The following RTL4 variants were observed in gnomAD, a reference collection of about 807,000 sequenced individuals.
RTL4 encodes retrotransposon Gag-like protein 4.
Under a neutral mutation model 5.3 loss-of-function variants are expected in RTL4, and 4 were observed. The observed-to-expected ratio is 0.75, with a 90% CI of 0.37 to 1.72. RTL4 has a LOEUF of 1.72. Among genes scored for constraint, RTL4 ranks in the 40% most tolerant of loss-of-function variants. The probability of loss-of-function intolerance (pLI) is 0.04; values close to 1 mark genes in which losing one functional copy is unlikely to be tolerated. For missense variants in RTL4, 260 were observed against 227.1 expected, an observed-to-expected ratio of 1.14 and a Z score of -0.93; for synonymous variants, 98 against 87.3, an observed-to-expected ratio of 1.12 and a Z score of -0.68.
chrX:112,192,007 A>G, the RTL4 span, among the ~76,000 whole-genome samples: 8 of 106,504 alleles, frequency 7.5e-5, no homozygotes, highest in South Asian at 2.8e-3. Flanking sequence ...TTTTGGTGCT[A>G]TTATAAAGGG....
the RTL4 span, among the ~76,000 whole-genome samples, chrX:112,446,569 C>T: frequency 0.2 from 21,978 of 111,748 alleles, 1,777 homozygotes; most frequent in Middle Eastern, 0.26. Context: ...AGGAATAGGC[C>T]GGGCTCAGTG....
the RTL4 span, among the ~76,000 whole-genome samples, chrX:112,169,083 CTTTTCTTTCT>C: frequency 2.4e-5 from 1 of 41,337 alleles, no homozygotes; most frequent in Admixed American, 3.5e-4. Context: ...TTCTTTCTTT[CTTTTCTTTCT>C]TTCTTTCTTT....
the RTL4 span, among the ~76,000 whole-genome samples, chrX:112,393,169 T>TG: frequency 0.04 from 4,009 of 101,252 alleles, 199 homozygotes; most frequent in African/African-American, 0.15. Context: ...TTGTTTTTTT[T>TG]TTTTGTTTGT....
the RTL4 span, among the ~76,000 whole-genome samples, chrX:112,290,348 A>G: frequency 9.0e-6 from 1 of 111,680 alleles, no homozygotes; most frequent in Non-Finnish European, 1.9e-5. Flanking sequence ...AGGCTTTATA[A>G]AGGAGAGAGA....
At chrX:112,120,845 C>T in the RTL4 span, among the ~76,000 whole-genome samples, 2 of 111,776 alleles carry the variant, frequency 1.8e-5, no homozygotes, top group Non-Finnish European at 3.8e-5. Context: ...TTCAGTCCCT[C>T]TGTAAAACTT....
the RTL4 span, among the ~76,000 whole-genome samples, chrX:112,280,170 T>C: frequency 9.0e-6 from 1 of 111,273 alleles, no homozygotes; most frequent in Admixed American, 9.6e-5. Context: ...GATATATGCA[T>C]AAAAAGAATC....
At chrX:112,179,213 G>T in the RTL4 span, among the ~76,000 whole-genome samples, 3 of 111,057 alleles carry the variant, frequency 2.7e-5, no homozygotes, top group Admixed American at 9.6e-5. Context: ...ACTGAGGAGG[G>T]AGAATAAATC....
chrX:112,412,009 C>A, the RTL4 span, among the ~76,000 whole-genome samples: 1 of 110,119 alleles, frequency 9.1e-6, no homozygotes, highest in Non-Finnish European at 1.9e-5. Context: ...AGTAAGGTTG[C>A]AGGATACAAA....
At chrX:112,241,378 C>T in the RTL4 span, among the ~76,000 whole-genome samples, 11 of 111,309 alleles carry the variant, frequency 9.9e-5, no homozygotes, top group South Asian at 1.9e-3. Flanking sequence ...TTTTAATGAT[C>T]GCCATTCTAA....
chrX:112,347,897 AAG>A, the RTL4 span, among the ~76,000 whole-genome samples: 41 of 111,330 alleles, frequency 3.7e-4, 1 homozygote, highest in South Asian at 9.8e-3. Context: ...TTTGGCATCT[AAG>A]AGATTCTTTG....
chrX:112,184,883 A>G, the RTL4 span, among the ~76,000 whole-genome samples: 13 of 111,525 alleles, frequency 1.2e-4, no homozygotes, highest in African/African-American at 3.9e-4. Context: ...AATATCAGCT[A>G]TCTTGTTTTC....
chrX:112,177,040 T>C, the RTL4 span, among the ~76,000 whole-genome samples: 1 of 111,001 alleles, frequency 9.0e-6, no homozygotes, highest in Non-Finnish European at 1.9e-5. Flanking sequence ...TGTTTATATA[T>C]ACTATGGTGT....
the RTL4 span, among the ~76,000 whole-genome samples, chrX:112,273,572 T>C: frequency 9.0e-6 from 1 of 111,615 alleles, no homozygotes; most frequent in Non-Finnish European, 1.9e-5. Flanking sequence ...TTAATGAACA[T>C]CATGCATGCA....
At chrX:112,093,488 C>T in the RTL4 span, among the ~76,000 whole-genome samples, 2 of 111,368 alleles carry the variant, frequency 1.8e-5, no homozygotes, top group Non-Finnish European at 3.8e-5. Context: ...CTTCCTTTGC[C>T]TCTTTAATCA....
the RTL4 span, among the ~76,000 whole-genome samples, chrX:112,321,607 A>C: frequency 9.0e-6 from 1 of 111,624 alleles, no homozygotes; most frequent in Non-Finnish European, 1.9e-5. Context: ...GAAAGAAAGA[A>C]AGAAAATAAA....
At chrX:112,406,308 G>C in the RTL4 span, among the ~76,000 whole-genome samples, 2 of 111,932 alleles carry the variant, frequency 1.8e-5, no homozygotes, top group South Asian at 7.4e-4. Context: ...TGTACAGAAA[G>C]CACTGTGCTG....
At chrX:112,386,313 C>A in the RTL4 span, among the ~76,000 whole-genome samples, 1 of 111,757 alleles carries the variant, frequency 8.9e-6, no homozygotes, top group African/African-American at 3.2e-5. Flanking sequence ...ACCAAAGTCA[C>A]CCTTTTGTGC....
the RTL4 span, among the ~76,000 whole-genome samples, chrX:112,169,200 C>T: frequency 9.3e-6 from 1 of 107,712 alleles, no homozygotes; most frequent in Non-Finnish European, 1.9e-5. Flanking sequence ...CTGCAACCTT[C>T]GTCTCCCAGG....
chrX:112,451,820 T>C (rs1926740796), upstream of RTL4, among the ~76,000 whole-genome samples: 1 of 111,578 alleles, frequency 9.0e-6, no homozygotes, highest in African/African-American at 3.3e-5. Flanking sequence ...TTTTATGTTA[T>C]TTGAGAGCCA....
Sources: allele counts gnomAD v4.1 joint callset (sites outside exome capture counted in the v4.1 genomes callset), GRCh38; gene constraint gnomAD v4.1.1; transcripts MANE v1.5; gene names NCBI Gene and HGNC (gene_info 2026-07-23, HGNC 2026-07-21).